REDIC1: variants seen among roughly 807,000 people sequenced by gnomAD.
REDIC1 encodes HEI10 Interacting Protein 1.
At chr12:39,754,216 T>G in the REDIC1 span, 1 of 152,222 alleles carries the variant, frequency 6.6e-6, no homozygotes, top group Middle Eastern at 3.4e-3. Flanking sequence ...TGAACTTAAG[T>G]TTTAGTACCT....
the REDIC1 span, among the ~76,000 whole-genome samples, chr12:39,661,425 T>A: frequency 3.3e-5 from 5 of 152,146 alleles, no homozygotes; most frequent in Admixed American, 6.6e-5. Flanking sequence ...CATTTTTTTT[T>A]AAATATACCT....
the REDIC1 span, among the ~76,000 whole-genome samples, chr12:39,644,811 A>G: frequency 6.6e-6 from 1 of 152,084 alleles, no homozygotes; most frequent in Admixed American, 6.6e-5. Flanking sequence ...AACCCTCAAT[A>G]ACAAAAGACA....
chr12:39,788,039 T>G, the REDIC1 span, among the ~76,000 whole-genome samples: 7 of 152,124 alleles, frequency 4.6e-5, no homozygotes, highest in Non-Finnish European at 1.0e-4. Flanking sequence ...TACATAATAA[T>G]ACAAACAATA....
At chr12:39,769,992 G>A in the REDIC1 span, among the ~76,000 whole-genome samples, 3 of 151,984 alleles carry the variant, frequency 2.0e-5, no homozygotes, top group Non-Finnish European at 4.4e-5. Flanking sequence ...ATTACTCTGT[G>A]GTGCTTGACA....
the REDIC1 span, among the ~76,000 whole-genome samples, chr12:39,713,832 T>C: frequency 6.9e-6 from 1 of 145,938 alleles, no homozygotes; most frequent in Admixed American, 6.8e-5. Context: ...TATACATGTA[T>C]ATACACGTAT....
chr12:39,736,747 A>C, the REDIC1 span: 1 of 152,206 alleles, frequency 6.6e-6, no homozygotes, highest in Non-Finnish European at 1.5e-5. Context: ...CCATTTAAGA[A>C]GTCTAGCTAC....
At chr12:39,776,116 C>A in the REDIC1 span, among the ~76,000 whole-genome samples, 3 of 152,188 alleles carry the variant, frequency 2.0e-5, no homozygotes, top group Admixed American at 1.3e-4. Flanking sequence ...TTCCCCCCTA[C>A]AATTTTTCCC....
chr12:39,690,509 T>C, the REDIC1 span, among the ~76,000 whole-genome samples: 1 of 152,124 alleles, frequency 6.6e-6, no homozygotes, highest in African/African-American at 2.4e-5. Context: ...GTGTTAAAAA[T>C]GAAACCCACT....
the REDIC1 span, among the ~76,000 whole-genome samples, chr12:39,713,881 G>A: frequency 4.0e-4 from 59 of 146,714 alleles, no homozygotes; most frequent in South Asian, 0.012. Flanking sequence ...GTATATTTAC[G>A]TATATACACT....
At chr12:39,788,314 T>G in the REDIC1 span, among the ~76,000 whole-genome samples, 2 of 152,158 alleles carry the variant, frequency 1.3e-5, no homozygotes, top group African/African-American at 4.8e-5. Context: ...TCACTACTCT[T>G]GTGCTTTGGG....
At chr12:39,856,750 GGTTATGTAAC>G in the REDIC1 span, among the ~76,000 whole-genome samples, 1 of 152,182 alleles carries the variant, frequency 6.6e-6, no homozygotes, top group African/African-American at 2.4e-5. Flanking sequence ...CACGTAGCAA[GGTTATGTAAC>G]GTGCTTTTAC....
At chr12:39,655,450 A>G in the REDIC1 span, among the ~76,000 whole-genome samples, 1 of 152,186 alleles carries the variant, frequency 6.6e-6, no homozygotes, top group Non-Finnish European at 1.5e-5. Context: ...AAGGATGAGT[A>G]GATACCTGAG....
the REDIC1 span, among the ~76,000 whole-genome samples, chr12:39,711,593 A>C: frequency 8.8e-6 from 1 of 113,908 alleles, no homozygotes; most frequent in Admixed American, 8.7e-5. Flanking sequence ...GCATGTGTAT[A>C]TGTGTATACA....
chr12:39,830,748 A>C, the REDIC1 span, among the ~76,000 whole-genome samples: 1 of 152,204 alleles, frequency 6.6e-6, no homozygotes, highest in African/African-American at 2.4e-5. Flanking sequence ...CAGTTAAATA[A>C]AAATACTACT....
chr12:39,823,836 T>C, the REDIC1 span, among the ~76,000 whole-genome samples: 137 of 152,348 alleles, frequency 9.0e-4, no homozygotes, highest in African/African-American at 3.2e-3. Flanking sequence ...CATGGTTAAG[T>C]ATTATTTTTA....
chr12:39,743,223 G>C, the REDIC1 span, among the ~76,000 whole-genome samples: 1 of 152,128 alleles, frequency 6.6e-6, no homozygotes, highest in African/African-American at 2.4e-5. Context: ...TGACTTGGGG[G>C]AAGGGAATAC....
chr12:39,890,341 C>CA, the REDIC1 span, among the ~76,000 whole-genome samples: 1 of 152,094 alleles, frequency 6.6e-6, no homozygotes, highest in African/African-American at 2.4e-5. Context: ...TACATTGTGG[C>CA]AGCAGAATAT....
At chr12:39,870,705 T>C in the REDIC1 span, among the ~76,000 whole-genome samples, 1 of 152,168 alleles carries the variant, frequency 6.6e-6, no homozygotes, top group Non-Finnish European at 1.5e-5. Context: ...AATCAGACAA[T>C]CTCTCACCTT....
the REDIC1 span, among the ~76,000 whole-genome samples, chr12:39,866,707 C>G: frequency 6.6e-6 from 1 of 152,160 alleles, no homozygotes; most frequent in Non-Finnish European, 1.5e-5. Context: ...TCTCGATCTC[C>G]TGACCTCGTG....
Sources: allele counts gnomAD v4.1 joint callset (sites outside exome capture counted in the v4.1 genomes callset), GRCh38; gene constraint gnomAD v4.1.1; transcripts MANE v1.5; gene names NCBI Gene and HGNC (gene_info 2026-07-23, HGNC 2026-07-21).